The following SLC16A3 variants were observed in gnomAD, a reference collection of about 807,000 sequenced individuals.
SLC16A3 encodes the protein solute carrier family 16 member 3, also known as monocarboxylate transporter 4.
A neutral mutation model predicts 25.0 loss-of-function variants in SLC16A3; 22 were observed. The ratio of observed to expected loss-of-function variants is 0.88; its 90% CI spans 0.63 to 1.26. The LOEUF is 1.26. Ranked by LOEUF, SLC16A3 falls within the 50% of genes most tolerant of loss-of-function variation. SLC16A3 has a pLI of 0.00. For missense variants in SLC16A3, 731 were observed against 666.6 expected (o/e 1.10, Z -1.06); for synonymous variants, 390 against 309.2 (o/e 1.26, Z -2.74).
At chr17:82,234,115 C>G (rs1473711410) in intron 1 of SLC16A3, 2 of 152,250 alleles carry the variant, frequency 1.3e-5, no homozygotes, top group African/African-American at 2.4e-5. Context: ...GCTGGGATTA[C>G]AGGCGTGAGC....
intron 3 of SLC16A3, 31 bp from the exon 4 acceptor site, chr17:82,237,107 G>A: frequency 4.7e-6 from 7 of 1,485,882 alleles, no homozygotes; most frequent in Non-Finnish European, 6.3e-6. Flanking sequence ...GGCAGCCTTG[G>A]GGGGCTCTCA....
rs751479734 is a variant in SLC16A3, at chr17:82,237,717, G to T, written c.947G>T (p.Gly316Val). The T allele has an allele frequency of 3.7e-6, 6 of 1,611,874 alleles. No individual in the cohort carries two copies. The highest frequency in any genetic ancestry group is 5.1e-6 in the Non-Finnish European group (6 of 1,179,666). Residue 316 changes from glycine (G) to valine (V), a missense_variant, in exon 4 of 5, where the codon GGC becomes GTC. By Grantham distance (109) the Gly-to-Val change is moderately radical. Transcript: ENST00000582743. ...GCGGACCTGGCGGGTTCTACGGCGG[G>T]CGACTACGGCGGCCTCGTGGTCTTC... is the stretch of plus-strand genomic sequence containing the variant. The part of the protein sequence containing the change: ...GLADLAGSTA[G>V]DYGGLVVFCI...
chr17:82,226,901 G>T (rs73999812), upstream of SLC16A3, among the ~76,000 whole-genome samples: 3,836 of 152,162 alleles, frequency 0.025, 139 homozygotes, highest in African/African-American at 0.088. Flanking sequence ...GTAACAACCT[G>T]GCAGGCCCCC....
upstream of SLC16A3, among the ~76,000 whole-genome samples, chr17:82,227,521 T>G (rs1945721691): frequency 2.0e-5 from 3 of 152,128 alleles, no homozygotes; most frequent in Admixed American, 6.5e-5. Context: ...CGCACCCCTC[T>G]GCTGCTCTCC....
rs1215663642 is a variant in SLC16A3, at chr17:82,237,820, C to T, written c.1050C>T (p.His350=). Residue 350 remains histidine (H), a synonymous_variant, in exon 4 of 5, where the codon CAC becomes CAT. Coordinates refer to ENST00000582743, the MANE Select transcript of SLC16A3 (RefSeq NM_004207.4). The stretch of plus-strand genomic sequence containing the variant: ...TGCTCATGGCCATCGTGGGCACCCA[C>T]AAGTTCTCCAGTGCCATTGGCCTGG... ...FEVLMAIVGT[H]KFSSAIGLVL... 1 of 1,609,370 alleles carries T rather than the reference C, an allele frequency of 6.2e-7. No homozygotes were observed. Among genetic ancestry groups the T allele is most frequent in the Non-Finnish European group, 8.5e-7 (1 of 1,179,924 alleles).
At chr17:82,236,278 GGAT>G in intron 2 of SLC16A3, 47 bp downstream of exon 2, 2 of 1,550,894 alleles carry the variant, frequency 1.3e-6, no homozygotes, top group Non-Finnish European at 1.8e-6. Flanking sequence ...CTCTGCTGGC[GGAT>G]CCTGCTGGGC....
At position 82,239,819 on chromosome 17, in the gene SLC16A3, C is replaced by T. The variant is rs1260936965; in HGVS notation, c.*843C>T. 9.8e-6 allele frequency: 4 copies of T among 409,630 alleles called. No individual in the cohort carries two copies. Among genetic ancestry groups the T allele is most frequent in the Non-Finnish European group, 1.7e-5 (4 of 237,332 alleles). 25.4% of individuals were successfully genotyped at this position (409,630 alleles called of 1,614,324 possible). On this transcript the variant is annotated 3_prime_UTR_variant, in exon 5 of 5. Coordinates refer to ENST00000582743, the MANE Select transcript of SLC16A3 (RefSeq NM_004207.4). ...GCCCCTCTGCCTGGCTGGCAGTGTG[C>T]GTGGTGTGGTCAGTGCCCAGGGCTG...
chr17:82,236,131 CGTCA>C lies in SLC16A3; in HGVS notation c.126_129del (p.Val44SerfsTer38). 6.2e-7 allele frequency: 1 copy of C among 1,613,240 alleles called. No homozygotes were observed. The highest frequency in any genetic ancestry group is 1.6e-4 in the Middle Eastern group (1 of 6,062). On this transcript the variant is annotated frameshift_variant, in exon 2 of 5. Coordinates refer to ENST00000582743, the MANE Select transcript of SLC16A3 (RefSeq NM_004207.4). LOFTEE classifies it high-confidence loss of function. ...GCTTCTCCTACGCCTTCCCCAAGGC[CGTCA>C]GTGTCTTCTTCAAGGAGCTCATACA...
In SLC16A3 at chr17:82,229,064, G is replaced by GAGAGGCGGGCAGAGGCGGGC. The variant is rs1317668201; in HGVS notation, c.-61_-60insGCAGAGGCGGGCAGAGGCGG. ...ACCGGCAGAGGCGGGCAGAGGCGGC[G>GAGAGGCGGGCAGAGGCGGGC]AGAGGCGGCGAGAGGCGGGCTGAGG... is the stretch of plus-strand genomic sequence containing the variant. On this transcript the variant is annotated 5_prime_UTR_variant, in exon 1 of 5. Transcript: ENST00000582743. The GAGAGGCGGGCAGAGGCGGGC allele has an allele frequency of 6.9e-5, 1 of 14,428 alleles. No homozygotes were observed. Among genetic ancestry groups the GAGAGGCGGGCAGAGGCGGGC allele is most frequent in the Non-Finnish European group, 1.1e-4 (1 of 9,140 alleles). 0.9% of individuals were successfully genotyped at this position (14,428 alleles called of 1,614,324 possible).
rs572729507 is a variant in SLC16A3, at chr17:82,239,968, C to T, written c.*992C>T. On this transcript the variant is annotated 3_prime_UTR_variant, in exon 5 of 5. Coordinates refer to ENST00000582743, the MANE Select transcript of SLC16A3 (RefSeq NM_004207.4). ...GGCTGGGAGCCCGGTCAGAGGCCGC[C>T]GGGGCCCTCAGTAGGTGCGTCGTGG... 64 of 1,232,908 alleles carry T rather than the reference C, an allele frequency of 5.2e-5. No homozygotes were observed. In the East Asian group the frequency reaches 6.9e-4, roughly 13 times the overall value. The allele number at this position is 1,232,908 out of a possible 1,614,324, so 76.4% of individuals were successfully genotyped here. A position where few individuals can be genotyped will look rare whatever the true frequency, so the allele number is the denominator to read the frequency against.
At position 82,237,878 on chromosome 17, in the gene SLC16A3, G is replaced by T. The variant is rs371382306; in HGVS notation, c.1108G>T (p.Gly370Trp). The change falls in exon 4 of 5, where the codon GGG becomes TGG. Residue 370 changes from glycine to tryptophan, a missense_variant. Transcript: ENST00000582743. ...LLMEAVAVLV[G>W]PPSGGKLLDA... is the part of the protein sequence containing the mutation. ...GATGGAGGCGGTGGCCGTGCTCGTC[G>T]GGCCCCCTTCGGGAGGTGAGCGCTG... 6 of 1,599,788 alleles carry T rather than the reference G, an allele frequency of 3.8e-6. No homozygotes were observed. Among genetic ancestry groups the T allele is most frequent in the Non-Finnish European group, 3.4e-6 (4 of 1,179,734 alleles).
chr17:82,239,480 C>A lies in SLC16A3; in HGVS notation c.*504C>A. ...CCTGCGTGTGGGTGGAGTGTTAGGACCAACGGTTTCCTAGGAGTATGTGGT... is the reference window on the plus strand; with the variant it reads ...CCTGCGTGTGGGTGGAGTGTTAGGAACAACGGTTTCCTAGGAGTATGTGGT... On this transcript the variant is annotated 3_prime_UTR_variant, in exon 5 of 5. Coordinates refer to ENST00000582743, the MANE Select transcript of SLC16A3 (RefSeq NM_004207.4). 5.9e-6 allele frequency: 1 copy of A among 168,618 alleles called. No homozygotes were observed. The highest frequency in any genetic ancestry group is 1.3e-5 in the Non-Finnish European group (1 of 79,494). The allele number at this position is 168,618 out of a possible 1,614,324, so 10.4% of individuals were successfully genotyped here. A position where few individuals can be genotyped will look rare whatever the true frequency, so the allele number is the denominator to read the frequency against.
intron 3 of SLC16A3, 85 bp downstream of exon 3, chr17:82,236,957 A>G: frequency 6.5e-7 from 1 of 1,550,318 alleles, no homozygotes; most frequent in Non-Finnish European, 8.7e-7. Flanking sequence ...CCTCTGGAGG[A>G]CAGCAGGGCG....
intron 1 of SLC16A3, chr17:82,231,586 C>T (rs1247570540): frequency 6.6e-6 from 1 of 152,358 alleles, no homozygotes; most frequent in Non-Finnish European, 1.5e-5. Context: ...CTCCCGGCCC[C>T]AGGGCGGTGA....
chr17:82,234,061 CG>C (rs2050551930), intron 1 of SLC16A3: 4 of 152,130 alleles, frequency 2.6e-5, no homozygotes, highest in African/African-American at 7.2e-5. Flanking sequence ...AGGATGGTCT[CG>C]ATCTCCTGAC....
At chr17:82,221,794 G>C (rs1213768100) in intron 1 of SLC16A3, among the ~76,000 whole-genome samples, 1 of 152,084 alleles carries the variant, frequency 6.6e-6, no homozygotes, top group Non-Finnish European at 1.5e-5. Flanking sequence ...GTCTCAGCCA[G>C]GCAGGAGGCG....
At chr17:82,236,278 G>T in intron 2 of SLC16A3, 47 bp downstream of exon 2, 1 of 1,550,894 alleles carries the variant, frequency 6.4e-7, no homozygotes, top group Non-Finnish European at 8.9e-7. Context: ...CTCTGCTGGC[G>T]GATCCTGCTG....
chr17:82,230,570 C>G (rs978751203), intron 1 of SLC16A3: 18 of 152,498 alleles, frequency 1.2e-4, no homozygotes, highest in African/African-American at 4.3e-4. Context: ...ACGGGTCCCC[C>G]CTACTGGCCT....
intron 2 of SLC16A3, 67 bp from the exon 3 acceptor site, chr17:82,236,662 G>A (rs750022699): frequency 6.4e-7 from 1 of 1,567,768 alleles, no homozygotes; most frequent in Non-Finnish European, 8.6e-7. Context: ...CAGGCTGTGA[G>A]CTCAGTCGGC....
Sources: allele counts gnomAD v4.1 joint callset (sites outside exome capture counted in the v4.1 genomes callset), GRCh38; gene constraint gnomAD v4.1.1; transcripts MANE v1.5; gene names NCBI Gene and HGNC (gene_info 2026-07-23, HGNC 2026-07-21).